Variants in CYS1 observed in about 807,000 individuals in gnomAD.
CYS1 encodes the protein cystin 1.
Under a neutral mutation model 9.6 loss-of-function variants are expected in CYS1, and 5 were observed. That is an observed-to-expected ratio of 0.52 (90% CI 0.27 to 1.10). The LOEUF (loss-of-function observed/expected upper bound fraction) is 1.10. CYS1 is among the 50% of genes least tolerant of loss of function. The pLI is 0.11. For missense variants in CYS1, 221 were observed against 207.9 expected (o/e 1.06, Z -0.39); for synonymous variants, 88 against 95.7 (o/e 0.92, Z 0.47).
intron 1 of CYS1, among the ~76,000 whole-genome samples, chr2:10,070,790 CAT>C (rs1206903385): frequency 6.6e-6 from 1 of 151,780 alleles, no homozygotes; most frequent in African/African-American, 2.4e-5. Context: ...ACTACAGGCA[CAT>C]GCCACCACAC....
Position 10,063,096 on chromosome 2 carries a change from G to A in CYS1, c.371+2808C>T, listed in dbSNP as rs1371669557. ...GGAAGGACCTGGCGTTGTCAGGATG[G>A]TCAGGACTGGGGTCAAGGCCCACAC... On this transcript the variant is annotated intron_variant, in intron 2 of 2. Transcript: ENST00000381813. The surrounding 1 kb of genome is among the most constrained non-coding windows in gnomAD (Gnocchi z 4.2). Among the ~76,000 whole-genome samples, 2 of 152,228 alleles carry A rather than the reference G, an allele frequency of 1.3e-5. No homozygotes were observed. Among genetic ancestry groups the A allele is most frequent in the Non-Finnish European group, 2.9e-5 (2 of 68,044 alleles).
intron 1 of CYS1, among the ~76,000 whole-genome samples, chr2:10,072,893 C>A (rs763043687): frequency 1.6e-5 from 2 of 128,742 alleles, no homozygotes; most frequent in African/African-American, 5.8e-5. Context: ...GGCTGTGAGT[C>A]GGAGAGTGGT....
At chr2:10,074,167 C>T (rs1209488982) in intron 1 of CYS1, among the ~76,000 whole-genome samples, 1 of 152,176 alleles carries the variant, frequency 6.6e-6, no homozygotes, top group African/African-American at 2.4e-5. Flanking sequence ...ATGCTGATGT[C>T]CACGAAATGA....
At chr2:10,064,793 C>T (rs1661673239) in intron 2 of CYS1, among the ~76,000 whole-genome samples, 1 of 152,084 alleles carries the variant, frequency 6.6e-6, no homozygotes, top group Non-Finnish European at 1.5e-5. Context: ...TCTTGGCTCA[C>T]TGCAACCTCC....
chr2:10,061,616 A>G (rs1431456645), intron 2 of CYS1, among the ~76,000 whole-genome samples: 1 of 152,190 alleles, frequency 6.6e-6, no homozygotes, highest in Non-Finnish European at 1.5e-5. Context: ...TCAGCACCCG[A>G]CATGCCCTGT....
In CYS1 at chr2:10,058,931, G is replaced by C; in HGVS notation, c.399C>G (p.Pro133=). ...CGTAGGAGATGGCTGCCGGCCTCTC[G>C]GGCTTCTTGCGACCGCTGCCTGGGG... The part of the protein sequence containing the change: ...SEAPGSGRKK[P]ERPAAISYDH... The change falls in exon 3 of 3, where the codon CCC becomes CCG. Residue 133 remains proline, a synonymous_variant. Transcript: ENST00000381813. The C allele has an allele frequency of 6.3e-7, 1 of 1,592,312 alleles. No individual in the cohort carries two copies. The highest frequency in any genetic ancestry group is 8.5e-7 in the Non-Finnish European group (1 of 1,169,982).
At chr2:10,065,444 T>C (rs2125288663) in intron 2 of CYS1, among the ~76,000 whole-genome samples, 1 of 152,216 alleles carries the variant, frequency 6.6e-6, no homozygotes, top group Non-Finnish European at 1.5e-5. Context: ...AAGGAGGAAA[T>C]GAGCCCAGGC....
chr2:10,063,400 TTTC>T lies in CYS1; in HGVS notation c.371+2501_371+2503del, dbSNP rs1210039211. On this transcript the variant is annotated intron_variant, in intron 2 of 2. Transcript: ENST00000381813. The surrounding 1 kb of genome is among the most constrained non-coding windows in gnomAD (Gnocchi z 4.2). ...GATGTTTAAACTGTGCTTTGAAGGG[TTTC>T]TTCTTCGATATTTTATTATGAAAAA... Among the ~76,000 whole-genome samples, 1 of 152,090 alleles carries T rather than the reference TTTC, an allele frequency of 6.6e-6. No individual in the cohort carries two copies. Among genetic ancestry groups the T allele is most frequent in the Non-Finnish European group, 1.5e-5 (1 of 68,004 alleles).
intron 2 of CYS1, among the ~76,000 whole-genome samples, chr2:10,061,664 C>T (rs540056273): frequency 3.9e-5 from 6 of 152,176 alleles, no homozygotes; most frequent in Non-Finnish European, 8.8e-5. Flanking sequence ...CAGGGACTGG[C>T]GCAAGGGAAG....
intron 2 of CYS1, among the ~76,000 whole-genome samples, chr2:10,061,265 C>CA (rs972914463): frequency 1.3e-5 from 2 of 151,860 alleles, no homozygotes; most frequent in African/African-American, 4.9e-5. Flanking sequence ...AACAAACAAA[C>CA]AAAAAGGCAG....
intron 1 of CYS1, among the ~76,000 whole-genome samples, chr2:10,070,764 C>T (rs372143042): frequency 9.2e-5 from 14 of 152,212 alleles, no homozygotes; most frequent in Middle Eastern, 6.8e-3. Flanking sequence ...CCATCTCAGC[C>T]TCCTGAGTAA....
intron 1 of CYS1, among the ~76,000 whole-genome samples, chr2:10,072,343 A>C (rs1479027442): frequency 6.6e-6 from 1 of 152,226 alleles, no homozygotes; most frequent in East Asian, 1.9e-4. Context: ...TCGGCCTCCC[A>C]AAGTGCTGGG....
rs1460986883 is a variant in CYS1, at chr2:10,080,013, G to C, written c.211C>G (p.Leu71Val). 9.2e-7 allele frequency: 1 copy of C among 1,082,224 alleles called. No individual in the cohort carries two copies. The allele number at this position is 1,082,224 out of a possible 1,614,324, so 67.0% of individuals were successfully genotyped here. A position where few individuals can be genotyped will look rare whatever the true frequency, so the allele number is the denominator to read the frequency against. The change falls in exon 1 of 3, where the codon CTG becomes GTG. Residue 71 changes from leucine (L) to valine (V), a missense_variant. Coordinates refer to ENST00000381813, the MANE Select transcript of CYS1 (RefSeq NM_001037160.3). The surrounding 1 kb of genome is among the most constrained non-coding windows in gnomAD (Gnocchi z 6.4). ...GCCAGCAGCTCGTCCAGCAGGCGCA[G>C]CGTCTCGTCCCTGCCGTCGGGGGGC... is the stretch of plus-strand genomic sequence containing the variant. ...VAPPDGRDETLRLLDELLAES... is the reference protein window; with the variant it reads ...VAPPDGRDETVRLLDELLAES...
At chr2:10,070,320 G>T (rs979200958) in intron 1 of CYS1, among the ~76,000 whole-genome samples, 10 of 152,120 alleles carry the variant, frequency 6.6e-5, no homozygotes, top group African/African-American at 2.4e-4. Flanking sequence ...CGGTCCCCGT[G>T]CTGAGATGGA....
At chr2:10,072,401 T>G (rs6716517) in intron 1 of CYS1, among the ~76,000 whole-genome samples, 15,719 of 152,294 alleles carry the variant, frequency 0.1, 862 homozygotes, top group African/African-American at 0.13. Flanking sequence ...AAGGTTACTT[T>G]TTAGAAAATC....
chr2:10,067,330 T>C (rs370338239), intron 1 of CYS1, among the ~76,000 whole-genome samples: 1 of 152,152 alleles, frequency 6.6e-6, no homozygotes, highest in African/African-American at 2.4e-5. Flanking sequence ...CAATGTTATC[T>C]TTTTAAAATA....
Position 10,080,028 on chromosome 2 carries a change from C to T in CYS1, c.196G>A (p.Gly66Ser), listed in dbSNP as rs915173721. ...AGCAGGCGCAGCGTCTCGTCCCTGCCGTCGGGGGGCGCCACGGGGCTGGGG... is the reference window on the plus strand; with the variant it reads ...AGCAGGCGCAGCGTCTCGTCCCTGCTGTCGGGGGGCGCCACGGGGCTGGGG... Reference protein sequence around the residue: ...RDPSPVAPPDGRDETLRLLDE... With the variant: ...RDPSPVAPPDSRDETLRLLDE... The change falls in exon 1 of 3, where the codon GGC (glycine) becomes AGC (serine). Residue 66 changes from glycine (G) to serine (S), a missense_variant. Transcript: ENST00000381813. This position sits in a 1 kb window ranked among gnomAD's most constrained non-coding sequence, Gnocchi z 6.4. 116 of 1,065,356 alleles carry T rather than the reference C, an allele frequency of 1.1e-4. No homozygotes were observed. Among genetic ancestry groups the T allele is most frequent in the South Asian group, 4.8e-4 (11 of 22,974 alleles). The allele number at this position is 1,065,356 out of a possible 1,614,324, so 66.0% of individuals were successfully genotyped here.
At chr2:10,059,190 T>C (rs1001411926) in intron 2 of CYS1, among the ~76,000 whole-genome samples, 2 of 152,250 alleles carry the variant, frequency 1.3e-5, no homozygotes, top group African/African-American at 4.8e-5. Context: ...AGCCAGCACC[T>C]GCCCTGGTTG....
intron 1 of CYS1, among the ~76,000 whole-genome samples, chr2:10,069,873 C>T (rs756450629): frequency 1.3e-5 from 2 of 152,186 alleles, no homozygotes; most frequent in African/African-American, 2.4e-5. Flanking sequence ...AAACAGGCCA[C>T]ACTTCTTCTG....
Sources: gnomAD v4.1 joint callset for allele counts (sites outside exome capture counted in the v4.1 genomes callset) on GRCh38, gnomAD v4.1.1 for gene constraint, Gnocchi (gnomAD v3.1) non-coding constraint, MANE v1.5 for transcripts, NCBI Gene and HGNC (gene_info 2026-07-23, HGNC 2026-07-21) for gene names.